Variants in RYR2 observed in about 807,000 individuals in gnomAD.
RYR2 encodes ryanodine receptor 2.
A neutral mutation model predicts 601.1 loss-of-function variants in RYR2; 227 were observed. The ratio of observed to expected loss-of-function variants is 0.38; its 90% CI spans 0.34 to 0.42. The LOEUF (loss-of-function observed/expected upper bound fraction) is 0.42, where lower values mean the gene tolerates loss of function less well. Ranked by LOEUF, RYR2 falls within the 10% of genes least tolerant of loss-of-function variation. The pLI is 1.00. For synonymous variants in RYR2, 2,223 were observed against 2,175.1 expected, an observed-to-expected ratio of 1.02 and a Z score of -0.61; for missense variants, 4,646 against 6,156.5, an observed-to-expected ratio of 0.75 and a Z score of 8.21.
chr1:237,753,828 A>C (rs1296279304), intron 80 of RYR2, among the ~76,000 whole-genome samples: 1 of 152,120 alleles, frequency 6.6e-6, no homozygotes, highest in East Asian at 1.9e-4. Context: ...AGATCTATCT[A>C]CAATTTGTTT....
At chr1:237,546,202 T>C (rs929989586) in intron 25 of RYR2, among the ~76,000 whole-genome samples, 7 of 152,126 alleles carry the variant, frequency 4.6e-5, no homozygotes, top group African/African-American at 1.7e-4. Context: ...AACAGAGTTT[T>C]TATTTAAAAT....
chr1:237,567,388 G>A (rs1572903034), intron 28 of RYR2, among the ~76,000 whole-genome samples: 2 of 139,714 alleles, frequency 1.4e-5, no homozygotes, highest in East Asian at 2.0e-4. Context: ...AGACCAGCCT[G>A]GGCAACAAAG....
intron 22 of RYR2, among the ~76,000 whole-genome samples, chr1:237,505,181 A>T (rs998926951): frequency 1.3e-5 from 2 of 152,192 alleles, no homozygotes; most frequent in Admixed American, 6.5e-5. Flanking sequence ...TATGTTTGTC[A>T]TAGTTAATAG....
chr1:237,330,816 A>T, intron 2 of RYR2, 62 bp from the exon 3 acceptor site: 1 of 1,290,802 alleles, frequency 7.7e-7, no homozygotes. Context: ...CTCCTAAGGT[A>T]AGCTGGGTCT....
intron 16 of RYR2, among the ~76,000 whole-genome samples, chr1:237,465,663 G>A (rs968922959): frequency 5.9e-5 from 9 of 152,060 alleles, no homozygotes; most frequent in Admixed American, 2.6e-4. Context: ...TATGCTATAC[G>A]GGATGGCCTA....
chr1:237,525,462 TG>T (rs1321331520), intron 24 of RYR2, among the ~76,000 whole-genome samples: 1 of 151,900 alleles, frequency 6.6e-6, no homozygotes, highest in African/African-American at 2.4e-5. Flanking sequence ...GTTTGTTTTT[TG>T]TTTTTTTGAC....
rs1324867161 is a variant in RYR2, at chr1:237,268,384, T to C, written c.49-2113T>C. 2.6e-5 allele frequency among the ~76,000 whole-genome samples: 4 copies of C among 152,212 alleles called. No homozygotes were observed. The East Asian group carries it at 7.7e-4, about 29-fold the overall frequency. The stretch of plus-strand genomic sequence containing the variant: ...ACAATATAGCTTTGATCTTGCAGAT[T>C]ATATAAGCTCCAAAGTACTTCATGA... On this transcript the variant is annotated intron_variant, in intron 1 of 104. Coordinates refer to ENST00000366574, the MANE Select transcript of RYR2 (RefSeq NM_001035.3).
At chr1:237,742,228 T>C (rs1691670571) in intron 79 of RYR2, 68 bp from the exon 80 acceptor site, 1 of 1,016,770 alleles carries the variant, frequency 9.8e-7, no homozygotes, top group South Asian at 1.5e-5. Context: ...CTATGTCTAA[T>C]GTTCTTTTGC....
intron 29 of RYR2, among the ~76,000 whole-genome samples, chr1:237,578,321 C>T (rs1348485093): frequency 3.3e-5 from 5 of 152,066 alleles, no homozygotes; most frequent in Admixed American, 3.3e-4. Flanking sequence ...GGCTCAGGTA[C>T]AGGTCATAGT....
At chr1:237,751,485 A>C (rs1327378288) in intron 80 of RYR2, among the ~76,000 whole-genome samples, 1 of 152,190 alleles carries the variant, frequency 6.6e-6, no homozygotes. Flanking sequence ...GAAATAGAAA[A>C]TTATTTCAAC....
intron 1 of RYR2, among the ~76,000 whole-genome samples, chr1:237,049,903 T>C (rs369402743): frequency 2.6e-5 from 4 of 152,194 alleles, no homozygotes; most frequent in African/African-American, 9.7e-5. Context: ...GCTTCCATAG[T>C]TACCTTCTCC....
intron 8 of RYR2, among the ~76,000 whole-genome samples, chr1:237,378,287 C>T (rs1030011777): frequency 4.6e-5 from 7 of 152,020 alleles, no homozygotes; most frequent in African/African-American, 7.3e-5. Flanking sequence ...GGGACACAGC[C>T]GAACCATATC....
At chr1:237,755,019 A>G (rs948408485) in intron 80 of RYR2, 17 of 1,184,484 alleles carry the variant, frequency 1.4e-5, no homozygotes, top group Middle Eastern at 2.2e-4. Flanking sequence ...AGCGCTAACT[A>G]TAGTGTGACA....
chr1:237,369,237 G>A (rs542327150), intron 5 of RYR2, among the ~76,000 whole-genome samples: 8 of 152,038 alleles, frequency 5.3e-5, no homozygotes, highest in Non-Finnish European at 8.8e-5. Flanking sequence ...AATATAATGG[G>A]AAAGAGATTA....
At chr1:237,056,803 C>T (rs376110980) in intron 1 of RYR2, among the ~76,000 whole-genome samples, 14 of 152,188 alleles carry the variant, frequency 9.2e-5, no homozygotes, top group African/African-American at 2.9e-4. Context: ...GACTGGAGCA[C>T]TGCACCTGTG....
At chr1:237,774,171 A>C (rs913543238) in intron 87 of RYR2, among the ~76,000 whole-genome samples, 1 of 152,054 alleles carries the variant, frequency 6.6e-6, no homozygotes, top group East Asian at 1.9e-4. Flanking sequence ...GATTTTATAA[A>C]ATTCTGGGTT....
At chr1:237,348,656 G>A (rs1460534102) in intron 3 of RYR2, among the ~76,000 whole-genome samples, 1 of 152,156 alleles carries the variant, frequency 6.6e-6, no homozygotes, top group African/African-American at 2.4e-5. Context: ...GAATTAGCTT[G>A]TATACAAATT....
chr1:237,529,760 TACACACAC>T lies in RYR2; in HGVS notation c.2823-636_2823-629del, dbSNP rs71561882. Reference sequence around the variant, plus strand: ...TATAAAAGGTAAAACAATAATATCATACACACACACACACACACACACACACACACACA... The same window carrying T: ...TATAAAAGGTAAAACAATAATATCATACACACACACACACACACACACACA... On this transcript the variant is annotated intron_variant, in intron 24 of 104. Coordinates refer to ENST00000366574, the MANE Select transcript of RYR2 (RefSeq NM_001035.3). Among the ~76,000 whole-genome samples the T allele has an allele frequency of 1.2e-3, 163 of 134,596 alleles. 4 individuals are homozygous for T. In the South Asian group the frequency reaches 0.029, roughly 24 times the overall value. 88.3% of individuals were successfully genotyped at this position (134,596 alleles called of 152,430 possible).
At chr1:237,774,031 G>GA (rs1437118207) in intron 87 of RYR2, among the ~76,000 whole-genome samples, 1 of 152,170 alleles carries the variant, frequency 6.6e-6, no homozygotes, top group Non-Finnish European at 1.5e-5. Context: ...AAGAGTGTTT[G>GA]AAAACATCGC....
Sources: allele counts gnomAD v4.1 joint callset (sites outside exome capture counted in the v4.1 genomes callset), GRCh38; gene constraint gnomAD v4.1.1; transcripts MANE v1.5; gene names NCBI Gene and HGNC (gene_info 2026-07-23, HGNC 2026-07-21).